Variants in CNPY1 observed in about 807,000 individuals in gnomAD.
The protein encoded by CNPY1 is canopy FGF signaling regulator 1, also known as protein canopy homolog 1.
CNPY1 carries 14 observed loss-of-function variants against 14.4 expected under a neutral mutation model. That is an observed-to-expected ratio of 0.97 (90% confidence interval 0.64 to 1.52). CNPY1 has a LOEUF of 1.52. CNPY1 is among the 40% of genes most tolerant of loss of function. The pLI, the probability that CNPY1 is intolerant of heterozygous loss-of-function variation, is 0.00. For missense variants in CNPY1, 129 were observed against 131.5 expected, an observed-to-expected ratio of 0.98 and a Z score of 0.09; for synonymous variants, 43 against 46.5, an observed-to-expected ratio of 0.92 and a Z score of 0.31.
chr7:155,501,532 T>C lies in CNPY1; in HGVS notation c.*1536A>G, dbSNP rs1455228252. 3.3e-5 allele frequency: 5 copies of C among 152,222 alleles called. 1 individual carries two copies. The highest frequency in any genetic ancestry group is 1.3e-4 in the Admixed American group (2 of 15,286). The allele number at this position is 152,222 out of a possible 1,614,324, so 9.4% of individuals were successfully genotyped here. On this transcript the variant is annotated 3_prime_UTR_variant, in exon 5 of 5. Coordinates refer to ENST00000636446, the MANE Select transcript of CNPY1 (RefSeq NM_001393663.1). ...TAGGTTTTCAGGAATAATTGTCCTGTTTAGTGCATTTCCCAAGAAAATCCA... is the reference window on the plus strand; with the variant it reads ...TAGGTTTTCAGGAATAATTGTCCTGCTTAGTGCATTTCCCAAGAAAATCCA...
intron 2 of CNPY1, among the ~76,000 whole-genome samples, chr7:155,522,413 G>T (rs980508693): frequency 3.3e-5 from 5 of 152,264 alleles, no homozygotes; most frequent in African/African-American, 1.2e-4. Flanking sequence ...CGTGGCCTAA[G>T]GTGGGTGGGC....
chr7:155,543,803 T>C (rs1234688192), intron 2 of CNPY1, among the ~76,000 whole-genome samples: 4 of 152,216 alleles, frequency 2.6e-5, no homozygotes, highest in Admixed American at 2.6e-4. Context: ...TACTTCTGGC[T>C]GAGCAGGAGC....
intron 2 of CNPY1, 67 bp from the exon 3 acceptor site, chr7:155,509,164 A>T: frequency 2.2e-6 from 2 of 891,886 alleles, no homozygotes; most frequent in Non-Finnish European, 3.3e-6. Flanking sequence ...CCTTCCGGCG[A>T]GTCCACATGG....
chr7:155,513,782 C>CT (rs1248681298), intron 2 of CNPY1, among the ~76,000 whole-genome samples: 2 of 151,616 alleles, frequency 1.3e-5, no homozygotes, highest in Non-Finnish European at 2.9e-5. Flanking sequence ...TGGGGGTCAT[C>CT]TAACAATTTG....
chr7:155,528,789 G>T (rs150190355), intron 2 of CNPY1, among the ~76,000 whole-genome samples: 16 of 152,150 alleles, frequency 1.1e-4, no homozygotes, highest in African/African-American at 3.1e-4. Context: ...GGCTGGGCGC[G>T]GTGGCTCACA....
Position 155,522,572 on chromosome 7 carries a change from A to G in CNPY1, c.100-13475T>C, listed in dbSNP as rs7797574. 1.8e-3 allele frequency among the ~76,000 whole-genome samples: 270 copies of G among 152,346 alleles called. 1 individual carries two copies. The highest frequency in any genetic ancestry group is 6.1e-3 in the African/African-American group (253 of 41,590). Reference sequence around the variant, plus strand: ...GCTCAGGGTCACAAAACCAGGTTAGATGCTGAAGCCAGAAGATAAACCAGG... The same window carrying G: ...GCTCAGGGTCACAAAACCAGGTTAGGTGCTGAAGCCAGAAGATAAACCAGG... On this transcript the variant is annotated intron_variant, in intron 2 of 4. Coordinates refer to ENST00000636446, the MANE Select transcript of CNPY1 (RefSeq NM_001393663.1).
chr7:155,514,839 A>G (rs976463106), intron 2 of CNPY1, among the ~76,000 whole-genome samples: 1 of 152,212 alleles, frequency 6.6e-6, no homozygotes, highest in South Asian at 2.1e-4. Flanking sequence ...GGTTGCGGTG[A>G]GCCGAGATCG....
intron 2 of CNPY1, among the ~76,000 whole-genome samples, chr7:155,540,645 C>A (rs894096657): frequency 6.6e-6 from 1 of 152,210 alleles, no homozygotes; most frequent in Non-Finnish European, 1.5e-5. Context: ...CAGAGGACGC[C>A]CCTGAGCTCT....
intron 2 of CNPY1, among the ~76,000 whole-genome samples, chr7:155,529,218 G>A (rs1022324558): frequency 6.6e-6 from 1 of 152,188 alleles, no homozygotes; most frequent in African/African-American, 2.4e-5. Flanking sequence ...TCTTTCATGA[G>A]AAACCAGAAG....
intron 2 of CNPY1, among the ~76,000 whole-genome samples, chr7:155,535,641 C>G (rs1797015096): frequency 6.6e-6 from 1 of 152,172 alleles, no homozygotes; most frequent in South Asian, 2.1e-4. Context: ...ACACACGAGG[C>G]CTGATTTAAT....
At chr7:155,522,746 T>G (rs1796749190) in intron 2 of CNPY1, among the ~76,000 whole-genome samples, 1 of 152,194 alleles carries the variant, frequency 6.6e-6, no homozygotes, top group Non-Finnish European at 1.5e-5. Context: ...GGTTACTTCT[T>G]ACAGCACGCT....
At chr7:155,519,927 C>T (rs1796686780) in intron 2 of CNPY1, among the ~76,000 whole-genome samples, 1 of 152,198 alleles carries the variant, frequency 6.6e-6, no homozygotes, top group Non-Finnish European at 1.5e-5. Flanking sequence ...ATTCATAGCT[C>T]CTCTCATAGT....
intron 2 of CNPY1, among the ~76,000 whole-genome samples, chr7:155,540,876 T>C (rs1042640373): frequency 2.0e-5 from 3 of 152,222 alleles, no homozygotes; most frequent in Non-Finnish European, 2.9e-5. Flanking sequence ...CTTTCATCAC[T>C]GGGAGAGGAG....
At chr7:155,521,489 T>C (rs573581070) in intron 2 of CNPY1, among the ~76,000 whole-genome samples, 20 of 152,260 alleles carry the variant, frequency 1.3e-4, no homozygotes, top group East Asian at 1.9e-4. Flanking sequence ...GATGTGAAGA[T>C]ACAGCAGTGG....
intron 2 of CNPY1, among the ~76,000 whole-genome samples, chr7:155,541,547 C>T (rs1797084228): frequency 6.6e-6 from 1 of 152,238 alleles, no homozygotes; most frequent in Non-Finnish European, 1.5e-5. Context: ...ATGACCCACA[C>T]CTTCCTCCCT....
rs547663182 is a variant in CNPY1, at chr7:155,518,150, T to A, written c.100-9053A>T. Among the ~76,000 whole-genome samples, 6 of 152,132 alleles carry A rather than the reference T, an allele frequency of 3.9e-5. No individual in the cohort carries two copies. The East Asian group carries it at 1.2e-3, about 29-fold the overall frequency. On this transcript the variant is annotated intron_variant, in intron 2 of 4. Coordinates refer to ENST00000636446, the MANE Select transcript of CNPY1 (RefSeq NM_001393663.1). ...AGGATCTGGGAGCTGCCAGGAGGGG[T>A]GGCCAGATCCACAGTGCTCAAAGGG...
chr7:155,532,830 A>C (rs1796964120), intron 2 of CNPY1, among the ~76,000 whole-genome samples: 1 of 152,118 alleles, frequency 6.6e-6, no homozygotes, highest in African/African-American at 2.4e-5. Flanking sequence ...TCTGCAACAC[A>C]CAGACCGAAC....
chr7:155,515,807 A>T (rs1288552801), intron 2 of CNPY1, among the ~76,000 whole-genome samples: 1 of 152,198 alleles, frequency 6.6e-6, no homozygotes, highest in Non-Finnish European at 1.5e-5. Flanking sequence ...GGGTCTAGAA[A>T]GACAGCTCTT....
intron 2 of CNPY1, among the ~76,000 whole-genome samples, chr7:155,541,508 C>A (rs1460742500): frequency 6.6e-6 from 1 of 152,196 alleles, no homozygotes; most frequent in Non-Finnish European, 1.5e-5. Context: ...CAATAATGAG[C>A]CTTATTTTCT....
Sources: gnomAD v4.1 joint callset for allele counts (sites outside exome capture counted in the v4.1 genomes callset) on GRCh38, gnomAD v4.1.1 for gene constraint, MANE v1.5 for transcripts, NCBI Gene and HGNC (gene_info 2026-07-23, HGNC 2026-07-21) for gene names.